Variants in TSPAN13 observed in about 807,000 individuals in gnomAD.
TSPAN13 encodes the protein tetraspanin 13, also known as tetraspanin-13.
Under a neutral mutation model 26.9 loss-of-function variants are expected in TSPAN13, and 18 were observed. The ratio of observed to expected loss-of-function variants is 0.67; its 90% CI spans 0.46 to 0.99. TSPAN13 has a LOEUF of 0.99. TSPAN13 is among the 50% of genes least tolerant of loss of function. TSPAN13 has a pLI of 0.00. For missense variants in TSPAN13, 201 were observed against 249.6 expected (o/e 0.81, Z 1.31); for synonymous variants, 116 against 98.4 (o/e 1.18, Z -1.06).
chr7:16,783,867 G>GTAGA lies in TSPAN13; in HGVS notation c.*380_*383dup, dbSNP rs371448170. The GTAGA allele has an allele frequency of 2.7e-3, 479 of 174,654 alleles. 2 individuals are homozygous for GTAGA. Among genetic ancestry groups the GTAGA allele is most frequent in the African/African-American group, 0.011 (449 of 42,480 alleles). 10.8% of individuals were successfully genotyped at this position (174,654 alleles called of 1,614,324 possible). On this transcript the variant is annotated 3_prime_UTR_variant, in exon 6 of 6. Transcript: ENST00000262067. ...ATAATTATATGTAGCACTGTGCTGTGTAGATAGTTCCTACTGGAAAAAGAG... is the reference window on the plus strand; with the variant it reads ...ATAATTATATGTAGCACTGTGCTGTGTAGATAGATAGTTCCTACTGGAAAAAGAG...
At chr7:16,776,188 CT>C in intron 1 of TSPAN13, 22 bp from the exon 2 acceptor site, 1 of 1,611,118 alleles carries the variant, frequency 6.2e-7, no homozygotes, top group Non-Finnish European at 8.5e-7. Flanking sequence ...TCCTCTACCC[CT>C]GCCCCCTGGG....
intron 1 of TSPAN13, among the ~76,000 whole-genome samples, chr7:16,757,839 A>G (rs534504875): frequency 6.6e-6 from 1 of 151,886 alleles, no homozygotes; most frequent in African/African-American, 2.4e-5. Flanking sequence ...TATTGTTTCT[A>G]TTTGTATTTT....
intron 1 of TSPAN13, among the ~76,000 whole-genome samples, chr7:16,756,220 A>G (rs987589330): frequency 5.3e-5 from 8 of 152,200 alleles, no homozygotes; most frequent in African/African-American, 1.9e-4. Flanking sequence ...GATGAAAAAA[A>G]TGTGAGGCAG....
At chr7:16,757,336 A>AT (rs1243729047) in intron 1 of TSPAN13, among the ~76,000 whole-genome samples, 3 of 152,216 alleles carry the variant, frequency 2.0e-5, no homozygotes, top group Non-Finnish European at 4.4e-5. Context: ...GGCTGAAAAG[A>AT]TTTTGACAAG....
intron 1 of TSPAN13, among the ~76,000 whole-genome samples, chr7:16,757,554 A>G (rs1784493442): frequency 6.6e-6 from 1 of 152,216 alleles, no homozygotes; most frequent in Non-Finnish European, 1.5e-5. Context: ...ACTGAAAAAT[A>G]TGACCAAACA....
chr7:16,770,309 G>T (rs1784659634), intron 1 of TSPAN13, among the ~76,000 whole-genome samples: 1 of 151,984 alleles, frequency 6.6e-6, no homozygotes, highest in African/African-American at 2.4e-5. Flanking sequence ...GGGTTCAAGT[G>T]ATTCTCCTGC....
chr7:16,773,411 A>C (rs1396966612), intron 1 of TSPAN13, among the ~76,000 whole-genome samples: 1 of 151,428 alleles, frequency 6.6e-6, no homozygotes, highest in African/African-American at 2.4e-5. Flanking sequence ...TGGTATGTAT[A>C]AATAGTTATT....
Position 16,783,601 on chromosome 7 carries a change from AC to A in TSPAN13, c.*112del. 1.0e-6 allele frequency: 1 copy of A among 957,346 alleles called. No individual in the cohort carries two copies. 59.3% of individuals were successfully genotyped at this position (957,346 alleles called of 1,614,324 possible). ...GGAAGGAAACACTATCTGGAAAAGT[AC>A]CTTATTGATAGTGGAATTATATATT... On this transcript the variant is annotated 3_prime_UTR_variant, in exon 6 of 6. Coordinates refer to ENST00000262067, the MANE Select transcript of TSPAN13 (RefSeq NM_014399.4).
intron 1 of TSPAN13, among the ~76,000 whole-genome samples, chr7:16,756,443 T>C (rs1411122592): frequency 6.6e-6 from 1 of 152,206 alleles, no homozygotes; most frequent in Non-Finnish European, 1.5e-5. Flanking sequence ...CATTGCTGTG[T>C]TGAAGCATTT....
At chr7:16,779,508 T>C (rs890276082) in intron 5 of TSPAN13, among the ~76,000 whole-genome samples, 7 of 152,022 alleles carry the variant, frequency 4.6e-5, no homozygotes, top group Non-Finnish European at 7.4e-5. Flanking sequence ...AAAAAGATTA[T>C]ATATCTTTTT....
chr7:16,758,365 CT>C (rs1247706096), intron 1 of TSPAN13, among the ~76,000 whole-genome samples: 6 of 152,082 alleles, frequency 3.9e-5, no homozygotes, highest in Non-Finnish European at 8.8e-5. Context: ...GTTTCAGTTT[CT>C]TCATATATAA....
At chr7:16,761,051 G>C (rs1489380193) in intron 1 of TSPAN13, among the ~76,000 whole-genome samples, 2 of 152,182 alleles carry the variant, frequency 1.3e-5, no homozygotes, top group Non-Finnish European at 2.9e-5. Flanking sequence ...GTAGAGTGGG[G>C]TTGGAACTTT....
At chr7:16,771,789 CTT>C (rs1784682381) in intron 1 of TSPAN13, among the ~76,000 whole-genome samples, 1 of 152,180 alleles carries the variant, frequency 6.6e-6, no homozygotes, top group Non-Finnish European at 1.5e-5. Context: ...AGGAAACCCT[CTT>C]TGATGGTTTT....
intron 1 of TSPAN13, among the ~76,000 whole-genome samples, chr7:16,757,227 A>G (rs1784489680): frequency 6.6e-6 from 1 of 152,154 alleles, no homozygotes; most frequent in African/African-American, 2.4e-5. Flanking sequence ...GAAATGTAGA[A>G]ATAGTGTGTG....
intron 1 of TSPAN13, among the ~76,000 whole-genome samples, chr7:16,773,578 C>A (rs1004150347): frequency 1.3e-5 from 2 of 152,110 alleles, no homozygotes; most frequent in Non-Finnish European, 2.9e-5. Context: ...AAGCCCTGTT[C>A]TAATAGGGAT....
chr7:16,780,209 C>T (rs1784800649), intron 5 of TSPAN13, among the ~76,000 whole-genome samples: 1 of 152,026 alleles, frequency 6.6e-6, no homozygotes, highest in Non-Finnish European at 1.5e-5. Flanking sequence ...AAGCGATTCT[C>T]CCACCTCAGC....
chr7:16,773,731 C>T (rs544642846), intron 1 of TSPAN13, among the ~76,000 whole-genome samples: 53 of 152,076 alleles, frequency 3.5e-4, no homozygotes, highest in African/African-American at 1.2e-3. Flanking sequence ...AGTATAATTC[C>T]CAAAAGGATT....
chr7:16,763,666 T>C (rs981477800), intron 1 of TSPAN13, among the ~76,000 whole-genome samples: 1 of 152,208 alleles, frequency 6.6e-6, no homozygotes, highest in South Asian at 2.1e-4. Context: ...GACACGCTTA[T>C]TGACCCTGTT....
intron 1 of TSPAN13, among the ~76,000 whole-genome samples, chr7:16,759,493 C>A (rs553870901): frequency 3.9e-5 from 6 of 152,076 alleles, no homozygotes; most frequent in Non-Finnish European, 8.8e-5. Context: ...TCCACCCCTA[C>A]GAATCACCTC....
Sources: allele counts gnomAD v4.1 joint callset (sites outside exome capture counted in the v4.1 genomes callset), GRCh38; gene constraint gnomAD v4.1.1; transcripts MANE v1.5; gene names NCBI Gene and HGNC (gene_info 2026-07-23, HGNC 2026-07-21).